The following EPB41 variants were observed in gnomAD, a reference collection of about 807,000 sequenced individuals.
The protein encoded by EPB41 is protein 4.1.
A neutral mutation model predicts 108.0 loss-of-function variants in EPB41; 65 were observed. The observed-to-expected ratio is 0.60, with a 90% CI of 0.49 to 0.74. The LOEUF (loss-of-function observed/expected upper bound fraction) is 0.74. EPB41 is among the 30% of genes least tolerant of loss of function. The pLI is 0.00. For synonymous variants in EPB41, 336 were observed against 358.9 expected (o/e 0.94, Z 0.72); for missense variants, 875 against 1,037.0 (o/e 0.84, Z 2.15).
chr1:28,997,392 C>CTA (rs779535262), intron 4 of EPB41, 73 bp downstream of exon 4: 2 of 885,550 alleles, frequency 2.3e-6, no homozygotes. Context: ...AAGAATGTAT[C>CTA]TATACCTGCT....
At chr1:29,092,093 CTTTTTTTTTTT>C (rs35413713) in intron 16 of EPB41, among the ~76,000 whole-genome samples, 2 of 113,162 alleles carry the variant, frequency 1.8e-5, no homozygotes, top group Non-Finnish European at 3.6e-5. Flanking sequence ...TTCTTACCTT[CTTTTTTTTTTT>C]TTTTTTTTTT....
At chr1:29,019,716 C>A (rs749774390) in intron 7 of EPB41, among the ~76,000 whole-genome samples, 2 of 152,130 alleles carry the variant, frequency 1.3e-5, no homozygotes, top group Admixed American at 6.6e-5. Flanking sequence ...ATCTTGTTCT[C>A]CTTGGGGTAG....
At chr1:29,027,479 G>A (rs1240642901) in intron 7 of EPB41, among the ~76,000 whole-genome samples, 1 of 151,820 alleles carries the variant, frequency 6.6e-6, no homozygotes, top group Non-Finnish European at 1.5e-5. Context: ...TTACAGGCAT[G>A]TGCCACCACG....
chr1:29,109,229 A>T (rs947554343), intron 17 of EPB41, 107 bp from the exon 18 acceptor site: 6 of 849,774 alleles, frequency 7.1e-6, no homozygotes, highest in Non-Finnish European at 1.2e-5. Flanking sequence ...TTCTAAGGGA[A>T]TGAGATTTTT....
chr1:28,939,655 G>T (rs2094194530), intron 1 of EPB41, among the ~76,000 whole-genome samples: 1 of 151,912 alleles, frequency 6.6e-6, no homozygotes, highest in Admixed American at 6.6e-5. Context: ...GTTGGCCAGG[G>T]TAGTCTAGAA....
At chr1:28,970,853 ACT>A (rs1035404713) in intron 1 of EPB41, among the ~76,000 whole-genome samples, 3 of 152,000 alleles carry the variant, frequency 2.0e-5, no homozygotes, top group Non-Finnish European at 4.4e-5. Context: ...CTTAGCATTT[ACT>A]CTCTTTTTTT....
At chr1:29,030,329 A>G in intron 7 of EPB41, 71 bp from the exon 8 acceptor site, 1 of 1,164,492 alleles carries the variant, frequency 8.6e-7, no homozygotes, top group Non-Finnish European at 1.3e-6. Context: ...AAATACAGTG[A>G]ATATATAAAT....
chr1:29,086,355 C>A (rs907405792), intron 16 of EPB41, among the ~76,000 whole-genome samples: 2 of 150,592 alleles, frequency 1.3e-5, no homozygotes, highest in Non-Finnish European at 1.5e-5. Flanking sequence ...CTCACTGCAA[C>A]CTCCGTCTCC....
At chr1:29,019,428 T>C (rs1244808727) in intron 7 of EPB41, among the ~76,000 whole-genome samples, 1 of 152,234 alleles carries the variant, frequency 6.6e-6, no homozygotes, top group African/African-American at 2.4e-5. Flanking sequence ...AAAAATTCAG[T>C]AAATATTAGC....
intron 1 of EPB41, among the ~76,000 whole-genome samples, chr1:28,892,815 T>G (rs1206714690): frequency 6.8e-6 from 1 of 147,096 alleles, no homozygotes; most frequent in African/African-American, 2.5e-5. Context: ...TTTTTTTTTT[T>G]TTTTTTGAGA....
At chr1:28,921,684 C>T (rs1431799103) in intron 1 of EPB41, among the ~76,000 whole-genome samples, 4 of 151,502 alleles carry the variant, frequency 2.6e-5, no homozygotes, top group African/African-American at 4.9e-5. Flanking sequence ...GATGGTATTA[C>T]GTAATTATAT....
At chr1:28,927,956 G>A (rs2093543283) in intron 1 of EPB41, among the ~76,000 whole-genome samples, 2 of 152,074 alleles carry the variant, frequency 1.3e-5, no homozygotes, top group Non-Finnish European at 2.9e-5. Flanking sequence ...ACTTTCCCCT[G>A]GGGAATCCCT....
intron 4 of EPB41, among the ~76,000 whole-genome samples, chr1:29,004,922 C>A (rs2096372027): frequency 6.6e-6 from 1 of 152,218 alleles, no homozygotes; most frequent in Non-Finnish European, 1.5e-5. Flanking sequence ...TTGTATAAAT[C>A]TCTTATGTGT....
intron 4 of EPB41, among the ~76,000 whole-genome samples, chr1:29,008,407 T>C (rs75238727): frequency 0.011 from 1,634 of 152,296 alleles, 20 homozygotes; most frequent in African/African-American, 0.037. Context: ...AATAACTCTG[T>C]GAGGATGGTA....
At chr1:28,974,964 T>C (rs2095569951) in intron 1 of EPB41, among the ~76,000 whole-genome samples, 1 of 152,088 alleles carries the variant, frequency 6.6e-6, no homozygotes. Context: ...CTGGCTAATT[T>C]TGTATTTTTA....
chr1:28,967,828 T>TTTTTA (rs2095399479), intron 1 of EPB41, among the ~76,000 whole-genome samples: 1 of 148,688 alleles, frequency 6.7e-6, no homozygotes, highest in South Asian at 2.2e-4. Context: ...TTTTTTTTTT[T>TTTTTA]GAGTCTTCCT....
At chr1:29,067,531 G>A (rs548838509) in intron 16 of EPB41, among the ~76,000 whole-genome samples, 103 of 148,156 alleles carry the variant, frequency 7.0e-4, no homozygotes, top group Non-Finnish European at 1.3e-3. Flanking sequence ...GCCAGGCATG[G>A]TGGCATGCGC....
At chr1:29,013,834 G>GTTTTTTTT (rs537368192) in intron 5 of EPB41, among the ~76,000 whole-genome samples, 2 of 131,852 alleles carry the variant, frequency 1.5e-5, no homozygotes, top group African/African-American at 5.9e-5. Flanking sequence ...CAGCCCTTAA[G>GTTTTTTTT]TTTTTTTTTT....
At chr1:28,935,468 C>CACACA (rs1491193201) in intron 1 of EPB41, among the ~76,000 whole-genome samples, 685 of 42,272 alleles carry the variant, frequency 0.016, 97 homozygotes, top group African/African-American at 0.048. Flanking sequence ...CACACACACA[C>CACACA]CCCCCCCCCC....
Sources: gnomAD v4.1 joint callset for allele counts (sites outside exome capture counted in the v4.1 genomes callset) on GRCh38, gnomAD v4.1.1 for gene constraint, MANE v1.5 for transcripts, NCBI Gene and HGNC (gene_info 2026-07-23, HGNC 2026-07-21) for gene names.